The following GFI1B variants were observed in gnomAD, a reference collection of about 807,000 sequenced individuals.
The protein encoded by GFI1B is growth factor independent 1B transcriptional repressor, also known as zinc finger protein Gfi-1b.
In GFI1B, 20 loss-of-function variants were observed where a neutral mutation model predicts 35.3. The ratio of observed to expected loss-of-function variants is 0.57; its 90% CI spans 0.40 to 0.82. GFI1B has a LOEUF of 0.82. Among genes scored for constraint, GFI1B ranks in the 40% least tolerant of loss-of-function variants. The pLI is 0.00. For synonymous variants in GFI1B, 178 were observed against 177.6 expected (o/e 1.00, Z -0.02); for missense variants, 430 against 446.3 (o/e 0.96, Z 0.33).
chr9:132,988,616 A>G, intron 4 of GFI1B, 148 bp downstream of exon 4: 1 of 767,482 alleles, frequency 1.3e-6, no homozygotes. Context: ...ATCACCATTC[A>G]TTGAGCTCTG....
At chr9:132,979,263 T>A (rs1848730906) in intron 1 of GFI1B, among the ~76,000 whole-genome samples, 1 of 145,992 alleles carries the variant, frequency 6.8e-6, no homozygotes, top group African/African-American at 2.6e-5. Flanking sequence ...TTTTTTTTTT[T>A]TTTTTTTTTT....
rs1849273003 is a variant in GFI1B, at chr9:132,990,931, A to G, written c.874A>G (p.Ile292Val). 2 of 1,614,130 alleles carry G rather than the reference A, an allele frequency of 1.2e-6. No homozygotes were observed. The highest frequency in any genetic ancestry group is 1.7e-6 in the Non-Finnish European group (2 of 1,179,930). ...GGCCTTCAGCCAGAGCTCCAACCTC[A>G]TCACCCACAGCCGCAAGCACACAGG... ...GKAFSQSSNLITHSRKHTGFK... is the reference protein window; with the variant it reads ...GKAFSQSSNLVTHSRKHTGFK... Residue 292 changes from isoleucine (I) to valine (V), a missense_variant, in exon 7 of 7, where the codon ATC becomes GTC. Coordinates refer to ENST00000372122, the MANE Select transcript of GFI1B (RefSeq NM_001377304.1).
At position 132,987,339 on chromosome 9, in the gene GFI1B, A is replaced by G; in HGVS notation, c.158A>G (p.Gln53Arg). ...SPVLSTLFPNQCLDWTNLKRE... is the reference protein window; with the variant it reads ...SPVLSTLFPNRCLDWTNLKRE... ...GTCCTTAGCACTCTATTCCCAAACC[A>G]GTGCCTGGACTGGACCAACCTCAAA... The change falls in exon 3 of 7, where the codon CAG becomes CGG. Residue 53 changes from glutamine to arginine, a missense_variant. Physicochemically the swap from Gln to Arg is conservative, Grantham distance 43. Transcript: ENST00000372122. 6.2e-7 allele frequency: 1 copy of G among 1,614,232 alleles called. No individual in the cohort carries two copies. Among genetic ancestry groups the G allele is most frequent in the Non-Finnish European group, 8.5e-7 (1 of 1,180,040 alleles).
intron 1 of GFI1B, among the ~76,000 whole-genome samples, chr9:132,958,757 T>C (rs1317715811): frequency 1.3e-5 from 2 of 152,210 alleles, no homozygotes; most frequent in Non-Finnish European, 2.9e-5. Flanking sequence ...AGGTAGGAAC[T>C]GGGCTAGAGA....
chr9:132,948,849 C>T (rs149594435), intron 1 of GFI1B, among the ~76,000 whole-genome samples: 1 of 152,352 alleles, frequency 6.6e-6, no homozygotes, highest in Non-Finnish European at 1.5e-5. Context: ...GGTCATTCTC[C>T]GTTTGCCCTT....
intron 1 of GFI1B, among the ~76,000 whole-genome samples, chr9:132,967,165 T>C (rs891822691): frequency 2.0e-5 from 3 of 152,212 alleles, no homozygotes; most frequent in Admixed American, 1.3e-4. Flanking sequence ...CCTGCCCTTC[T>C]GCCTTTCTCC....
chr9:132,948,810 C>T (rs1028173489), intron 1 of GFI1B, among the ~76,000 whole-genome samples: 3 of 152,250 alleles, frequency 2.0e-5, no homozygotes, highest in Non-Finnish European at 2.9e-5. Flanking sequence ...CCTCTCCCTC[C>T]GCACCAGATG....
At chr9:132,985,935 G>T (rs1053130964) in intron 1 of GFI1B, among the ~76,000 whole-genome samples, 2 of 152,280 alleles carry the variant, frequency 1.3e-5, no homozygotes, top group Middle Eastern at 3.4e-3. Flanking sequence ...TGTCACAGAG[G>T]GAGACCCCAG....
chr9:132,964,113 G>A (rs1250654366), intron 1 of GFI1B, among the ~76,000 whole-genome samples: 3 of 152,012 alleles, frequency 2.0e-5, no homozygotes, highest in Non-Finnish European at 2.9e-5. Context: ...GGTGATGCAC[G>A]CCTGTAATCC....
intron 1 of GFI1B, among the ~76,000 whole-genome samples, chr9:132,956,909 G>A (rs1351461799): frequency 6.6e-6 from 1 of 152,206 alleles, no homozygotes; most frequent in Non-Finnish European, 1.5e-5. Flanking sequence ...ACACACAGTT[G>A]TTGACAAGAT....
At chr9:132,955,771 GA>G (rs1399071580) in intron 1 of GFI1B, among the ~76,000 whole-genome samples, 1 of 151,858 alleles carries the variant, frequency 6.6e-6, no homozygotes, top group African/African-American at 2.4e-5. Flanking sequence ...GAGTTCTCCA[GA>G]GAAGCAGAAC....
At chr9:132,982,631 A>G (rs1433597690) in intron 1 of GFI1B, among the ~76,000 whole-genome samples, 1 of 151,460 alleles carries the variant, frequency 6.6e-6, no homozygotes, top group Non-Finnish European at 1.5e-5. Context: ...CTCAGAACGG[A>G]GTTCATGTCA....
chr9:132,984,859 C>T (rs1848979029), intron 1 of GFI1B, among the ~76,000 whole-genome samples: 1 of 152,184 alleles, frequency 6.6e-6, no homozygotes, highest in African/African-American at 2.4e-5. Flanking sequence ...GGTCCCTCTT[C>T]TGCCTGGCTG....
chr9:132,982,444 C>T (rs533913638), intron 1 of GFI1B, among the ~76,000 whole-genome samples: 24 of 152,252 alleles, frequency 1.6e-4, no homozygotes, highest in African/African-American at 5.5e-4. Flanking sequence ...GGTGCAGGGT[C>T]GCCTGTCTTC....
In GFI1B at chr9:132,986,733, C is replaced by A; in HGVS notation, c.55C>A (p.Arg19Ser). Residue 19 changes from arginine (R) to serine (S), a missense_variant, in exon 2 of 7, where the codon CGT becomes AGT. Physicochemically the swap from Arg to Ser is moderately radical, Grantham distance 110 (BLOSUM62 -1). Transcript: ENST00000372122. ...SKKAHTYHQP[R>S]VQEDEPLWPP... is the part of the protein sequence containing the mutation. ...GAAGGCTCACACCTACCACCAGCCC[C>A]GTGTGCAGGAAGATGAACCGCTCTG... The A allele has an allele frequency of 6.2e-7, 1 of 1,613,136 alleles. No homozygotes were observed. The highest frequency in any genetic ancestry group is 8.5e-7 in the Non-Finnish European group (1 of 1,179,596).
intron 3 of GFI1B, among the ~76,000 whole-genome samples, chr9:132,987,713 G>T (rs1200284955): frequency 2.0e-5 from 3 of 152,174 alleles, no homozygotes; most frequent in African/African-American, 7.2e-5. Context: ...AAAAGCTGAG[G>T]AGCCACAGTG....
At position 132,989,081 on chromosome 9, in the gene GFI1B, G is replaced by A; in HGVS notation, c.531G>A (p.Gly177=). The part of the protein sequence containing the change: ...KCNKVFSTPH[G]LEVHVRRSHS... ...CCCAGGTCTTCTCCACCCCTCACGGGCTCGAAGTGCATGTGCGACGCTCCC... is the reference window on the plus strand; with the variant it reads ...CCCAGGTCTTCTCCACCCCTCACGGACTCGAAGTGCATGTGCGACGCTCCC... Residue 177 remains glycine (G), a synonymous_variant, in exon 5 of 7, where the codon GGG becomes GGA. Coordinates refer to ENST00000372122, the MANE Select transcript of GFI1B (RefSeq NM_001377304.1). The surrounding 1 kb of genome is among the most constrained non-coding windows in gnomAD (Gnocchi z 6.2). The A allele has an allele frequency of 6.2e-7, 1 of 1,614,036 alleles. No individual in the cohort carries two copies. Among genetic ancestry groups the A allele is most frequent in the Non-Finnish European group, 8.5e-7 (1 of 1,179,904 alleles).
intron 1 of GFI1B, among the ~76,000 whole-genome samples, chr9:132,963,081 CAAAA>C (rs763899545): frequency 4.2e-5 from 2 of 47,984 alleles, no homozygotes; most frequent in Non-Finnish European, 8.0e-5. Flanking sequence ...GACTCCATCT[CAAAA>C]AAAAAAAAAA....
At chr9:132,955,275 GT>G (rs1348581608) in intron 1 of GFI1B, among the ~76,000 whole-genome samples, 9 of 151,872 alleles carry the variant, frequency 5.9e-5, no homozygotes, top group African/African-American at 2.2e-4. Flanking sequence ...TAGGTTGATG[GT>G]TTCTTTCTTT....
Sources: allele counts gnomAD v4.1 joint callset (sites outside exome capture counted in the v4.1 genomes callset), GRCh38; gene constraint gnomAD v4.1.1; non-coding constraint Gnocchi (gnomAD v3.1); transcripts MANE v1.5; gene names NCBI Gene and HGNC (gene_info 2026-07-23, HGNC 2026-07-21).